OTULIN: variants seen among roughly 807,000 people sequenced by gnomAD.
OTULIN encodes ubiquitin thioesterase otulin.
OTULIN carries 15 observed loss-of-function variants against 39.6 expected under a neutral mutation model. The ratio of observed to expected loss-of-function variants is 0.38; its 90% CI spans 0.25 to 0.58. The LOEUF (loss-of-function observed/expected upper bound fraction) is 0.58. Ranked by LOEUF, OTULIN falls within the 20% of genes least tolerant of loss-of-function variation. The pLI is 0.66. For missense variants in OTULIN, 319 were observed against 445.9 expected, an observed-to-expected ratio of 0.72 and a Z score of 2.56; for synonymous variants, 156 against 170.3, an observed-to-expected ratio of 0.92 and a Z score of 0.65.
the OTULIN span, among the ~76,000 whole-genome samples, chr5:14,714,323 T>C: frequency 3.3e-5 from 5 of 152,156 alleles, no homozygotes; most frequent in Non-Finnish European, 7.4e-5. Flanking sequence ...AGGAGGGCCA[T>C]GGGTGGACAG....
rs1736721743 is a variant in OTULIN, at chr5:14,698,232, TC to T, written c.*5186del. On this transcript the variant is annotated 3_prime_UTR_variant, in exon 7 of 7. Transcript: ENST00000284274. Reference sequence around the variant, plus strand: ...CTGCCAGTGGCGATGGTGTTTTTCTTCCATGGGTAAGCCATTGTGAATGGAG... The same window carrying T: ...CTGCCAGTGGCGATGGTGTTTTTCTTCATGGGTAAGCCATTGTGAATGGAG... 6.6e-6 allele frequency: 1 copy of T among 152,230 alleles called. No homozygotes were observed. Among genetic ancestry groups the T allele is most frequent in the African/African-American group, 2.4e-5 (1 of 41,452 alleles). 9.4% of individuals were successfully genotyped at this position (152,230 alleles called of 1,614,324 possible).
Position 14,664,944 on chromosome 5 carries a change from A to G in OTULIN, c.119A>G (p.Gln40Arg), listed in dbSNP as rs750815369. ...GGCGGGAAGGCGGCGGCCAGCGGGCAGCCGCGGCCCGAGATGCAGTGCCCG... is the reference window on the plus strand; with the variant it reads ...GGCGGGAAGGCGGCGGCCAGCGGGCGGCCGCGGCCCGAGATGCAGTGCCCG... Reference protein sequence around the residue: ...RDGGKAAASGQPRPEMQCPAE... With the variant: ...RDGGKAAASGRPRPEMQCPAE... Residue 40 changes from glutamine (Q) to arginine (R), a missense_variant, in exon 1 of 7, where the codon CAG (glutamine) becomes CGG (arginine). Gln to Arg is a conservative substitution (Grantham distance 43). Around this residue, in one of 4 missense-constraint regions of OTULIN, gnomAD observed 132 missense variants for 143.7 expected, o/e 0.92. Coordinates refer to ENST00000284274, the MANE Select transcript of OTULIN (RefSeq NM_138348.6). 8.2e-4 allele frequency: 920 copies of G among 1,126,728 alleles called. No individual in the cohort carries two copies. The highest frequency in any genetic ancestry group is 8.8e-4 in the Non-Finnish European group (815 of 921,516). The allele number at this position is 1,126,728 out of a possible 1,614,324, so 69.8% of individuals were successfully genotyped here.
chr5:14,679,077 C>G (rs769106514), intron 3 of OTULIN, among the ~76,000 whole-genome samples: 1 of 152,144 alleles, frequency 6.6e-6, no homozygotes, highest in Admixed American at 6.5e-5. Flanking sequence ...TTGGGAATGT[C>G]CTTTTTGGTC....
chr5:14,681,619 C>T lies in OTULIN; in HGVS notation c.468+12C>T. ...CGGAGCTCATGCTGGTACGCTGCTGCTGCAGGTTTGAGTCCAAAATGTTTC... is the reference window on the plus strand; with the variant it reads ...CGGAGCTCATGCTGGTACGCTGCTGTTGCAGGTTTGAGTCCAAAATGTTTC... On this transcript the variant is annotated intron_variant, in intron 4 of 6. Transcript: ENST00000284274. The T allele has an allele frequency of 6.3e-7, 1 of 1,596,104 alleles. No homozygotes were observed. Among genetic ancestry groups the T allele is most frequent in the Non-Finnish European group, 8.5e-7 (1 of 1,174,682 alleles).
intron 1 of OTULIN, among the ~76,000 whole-genome samples, chr5:14,669,249 C>T (rs1333869349): frequency 6.6e-6 from 1 of 152,022 alleles, no homozygotes; most frequent in Non-Finnish European, 1.5e-5. Context: ...CCTGTAATCC[C>T]AGTTACTCAG....
the OTULIN span, chr5:14,709,358 C>CTATGCAACTTAAT: frequency 6.6e-6 from 1 of 152,098 alleles, no homozygotes. Flanking sequence ...TGCAAAGCAG[C>CTATGCAACTTAAT]TATGCAACTT....
chr5:14,669,885 A>G (rs543677631), intron 1 of OTULIN, among the ~76,000 whole-genome samples: 3 of 152,354 alleles, frequency 2.0e-5, no homozygotes, highest in South Asian at 4.1e-4. Context: ...GGTAATTAGC[A>G]TGTCCATCAT....
At chr5:14,678,870 T>C in intron 3 of OTULIN, 95 bp downstream of exon 3, 1 of 769,578 alleles carries the variant, frequency 1.3e-6, no homozygotes, top group East Asian at 2.8e-5. Context: ...TTAGTTAAAA[T>C]GACTGCTATA....
At chr5:14,689,868 G>A (rs934634149) in intron 5 of OTULIN, among the ~76,000 whole-genome samples, 171 bp from the exon 6 acceptor site, 1 of 152,250 alleles carries the variant, frequency 6.6e-6, no homozygotes, top group Non-Finnish European at 1.5e-5. Flanking sequence ...TGAATAAGGA[G>A]TTTGTGTGCT....
At chr5:14,678,622 G>A in intron 2 of OTULIN, 59 bp from the exon 3 acceptor site, 2 of 1,193,568 alleles carry the variant, frequency 1.7e-6, no homozygotes, top group Non-Finnish European at 2.3e-6. Context: ...AACTGAAGCA[G>A]TATTCTGATT....
At chr5:14,682,418 C>T (rs1189951021) in intron 4 of OTULIN, among the ~76,000 whole-genome samples, 1 of 152,106 alleles carries the variant, frequency 6.6e-6, no homozygotes, top group Non-Finnish European at 1.5e-5. Flanking sequence ...AGACCCTCCA[C>T]CAGCAAAAAG....
intron 5 of OTULIN, among the ~76,000 whole-genome samples, chr5:14,688,302 C>T (rs1193053155): frequency 6.6e-6 from 1 of 152,082 alleles, no homozygotes; most frequent in Non-Finnish European, 1.5e-5. Flanking sequence ...ACCAAGAACC[C>T]TGATTGAGGG....
intron 4 of OTULIN, among the ~76,000 whole-genome samples, chr5:14,682,952 AAAG>A (rs1240154253): frequency 4.6e-5 from 7 of 152,198 alleles, no homozygotes; most frequent in African/African-American, 1.4e-4. Context: ...TTCCTAGAAT[AAAG>A]AAGACTTTTA....
At chr5:14,701,796 C>T (rs893754361), downstream of OTULIN, among the ~76,000 whole-genome samples, 2 of 152,064 alleles carry the variant, frequency 1.3e-5, no homozygotes, top group Non-Finnish European at 2.9e-5. Context: ...GTAGCTCAGG[C>T]GTAAGCTGGT....
chr5:14,691,411 T>C lies in OTULIN; in HGVS notation c.864+1103T>C, dbSNP rs185505651. On this transcript the variant is annotated intron_variant, in intron 6 of 6. Coordinates refer to ENST00000284274, the MANE Select transcript of OTULIN (RefSeq NM_138348.6). Reference sequence around the variant, plus strand: ...AGGAGTGTAGACTGATGGTCACTGCTGGGTCAGGCAGGGCTGATGATAGTT... The same window carrying C: ...AGGAGTGTAGACTGATGGTCACTGCCGGGTCAGGCAGGGCTGATGATAGTT... Among the ~76,000 whole-genome samples, 57 of 152,236 alleles carry C rather than the reference T, an allele frequency of 3.7e-4. 1 individual carries two copies. Among genetic ancestry groups the C allele is most frequent in the Admixed American group, 2.4e-3 (37 of 15,298 alleles).
rs191730518 is a variant in OTULIN at position 14,684,504 on chromosome 5, C to G, written c.468+2897C>G. Among the ~76,000 whole-genome samples, 592 of 152,340 alleles carry G rather than the reference C, an allele frequency of 3.9e-3. 3 individuals are homozygous for G. The highest frequency in any genetic ancestry group is 8.8e-3 in the Admixed American group (135 of 15,310). Reference sequence around the variant, plus strand: ...TGGTTGTGCAAATCTACCAGGTGGCCCGCAGACCCTCCTGTGGATGCCTTT... The same window carrying G: ...TGGTTGTGCAAATCTACCAGGTGGCGCGCAGACCCTCCTGTGGATGCCTTT... On this transcript the variant is annotated intron_variant, in intron 4 of 6. Coordinates refer to ENST00000284274, the MANE Select transcript of OTULIN (RefSeq NM_138348.6).
intron 4 of OTULIN, among the ~76,000 whole-genome samples, chr5:14,683,875 C>CA (rs1736320255): frequency 6.6e-6 from 1 of 150,636 alleles, no homozygotes; most frequent in South Asian, 2.1e-4. Flanking sequence ...GTCTCCCCCC[C>CA]TTTTTTTTTG....
At chr5:14,669,693 C>G (rs1488687727) in intron 1 of OTULIN, among the ~76,000 whole-genome samples, 5 of 152,114 alleles carry the variant, frequency 3.3e-5, no homozygotes, top group Admixed American at 1.3e-4. Context: ...ACTGCTTGAG[C>G]CCAGGAGGTC....
At chr5:14,670,640 T>C (rs1347011755) in intron 1 of OTULIN, among the ~76,000 whole-genome samples, 1 of 152,352 alleles carries the variant, frequency 6.6e-6, no homozygotes, top group East Asian at 1.9e-4. Context: ...GGTCTCACTC[T>C]ATTGCCTGGG....
Sources: gnomAD v4.1 joint callset for allele counts (sites outside exome capture counted in the v4.1 genomes callset) on GRCh38, gnomAD v4.1.1 for gene constraint, gnomAD v4.1.1 regional missense constraint, MANE v1.5 for transcripts, NCBI Gene and HGNC (gene_info 2026-07-23, HGNC 2026-07-21) for gene names.